Variants in GDI2 observed in about 807,000 individuals in gnomAD.
GDI2 encodes rab GDP dissociation inhibitor beta.
Under a neutral mutation model 54.2 loss-of-function variants are expected in GDI2, and 22 were observed. That is an observed-to-expected ratio of 0.41 (90% CI 0.29 to 0.58). The LOEUF (loss-of-function observed/expected upper bound fraction) is 0.58, where lower values mean the gene tolerates loss of function less well. GDI2 is among the 20% of genes least tolerant of loss of function. GDI2 has a pLI of 0.35. For synonymous variants in GDI2, 177 were observed against 182.1 expected (o/e 0.97, Z 0.23); for missense variants, 422 against 546.0 (o/e 0.77, Z 2.26).
chr10:5,768,337 A>G lies in GDI2; in HGVS notation c.867T>C (p.Asp289=). Residue 289 remains aspartate, a synonymous_variant, in exon 8 of 11, where the codon GAT becomes GAC. Coordinates refer to ENST00000380191, the MANE Select transcript of GDI2 (RefSeq NM_001494.4). The surrounding 1 kb of genome is among the most constrained non-coding windows in gnomAD (Gnocchi z 4.4). ...QLICDPSYVK[D]RVEKVGQVIR... is the part of the protein sequence containing the mutation. ...TCACCTGGCCCACTTTTTCTACCCG[A>G]TCTTTTACGTAGCTGGGGTCACAGA... The G allele has an allele frequency of 6.2e-7, 1 of 1,613,662 alleles. No individual in the cohort carries two copies. The highest frequency in any genetic ancestry group is 8.5e-7 in the Non-Finnish European group (1 of 1,179,576).
At chr10:5,799,043 T>A (rs1564397679) in intron 2 of GDI2, among the ~76,000 whole-genome samples, 1 of 151,794 alleles carries the variant, frequency 6.6e-6, no homozygotes, top group Non-Finnish European at 1.5e-5. Flanking sequence ...ATTTGTAGAT[T>A]AAGAAAATAA....
chr10:5,800,446 T>C, intron 2 of GDI2, 152 bp downstream of exon 2: 1 of 611,782 alleles, frequency 1.6e-6, no homozygotes, highest in Non-Finnish European at 2.9e-6. Context: ...TAAATTTCTA[T>C]GAGCTTCAAA....
chr10:5,767,591 T>G lies in GDI2; in HGVS notation c.991+622A>C, dbSNP rs1201903326. Among the ~76,000 whole-genome samples, 2 of 152,066 alleles carry G rather than the reference T, an allele frequency of 1.3e-5. 1 individual carries two copies. The highest frequency in any genetic ancestry group is 4.8e-5 in the African/African-American group (2 of 41,404). On this transcript the variant is annotated intron_variant, in intron 8 of 10. Transcript: ENST00000380191. ...CCTCCTGCCTTGGCCTCCCATGATTTCATTTCTTATATGGGGGAAAAAAAA... is the reference window on the plus strand; with the variant it reads ...CCTCCTGCCTTGGCCTCCCATGATTGCATTTCTTATATGGGGGAAAAAAAA...
chr10:5,810,252 T>C (rs545602544), intron 1 of GDI2, among the ~76,000 whole-genome samples: 8 of 152,330 alleles, frequency 5.3e-5, no homozygotes, highest in African/African-American at 1.2e-4. Flanking sequence ...AAAGTATATA[T>C]TTCTATTCAT....
At chr10:5,811,821 T>C (rs939213092) in intron 1 of GDI2, 39 of 469,366 alleles carry the variant, frequency 8.3e-5, no homozygotes, top group Non-Finnish European at 1.4e-4. Context: ...TGCATATAAC[T>C]ATAAACAGAA....
intron 3 of GDI2, 80 bp from the exon 4 acceptor site, chr10:5,795,099 A>G (rs1168175842): frequency 2.3e-6 from 2 of 875,454 alleles, no homozygotes. Context: ...CAGCTTCTAA[A>G]ATTTTTTCTA....
intron 6 of GDI2, among the ~76,000 whole-genome samples, chr10:5,784,092 G>A (rs915834637): frequency 3.3e-5 from 5 of 152,242 alleles, no homozygotes; most frequent in Middle Eastern, 3.4e-3. Flanking sequence ...AGGCTTGGTT[G>A]TTTAACAAAC....
At chr10:5,798,108 C>T (rs149399106) in intron 2 of GDI2, among the ~76,000 whole-genome samples, 145 of 152,268 alleles carry the variant, frequency 9.5e-4, no homozygotes, top group Non-Finnish European at 1.8e-3. Flanking sequence ...CCATCACCTC[C>T]AAAATTGTCC....
chr10:5,811,974 A>T, intron 1 of GDI2: 1 of 948,708 alleles, frequency 1.1e-6, no homozygotes, highest in Non-Finnish European at 1.4e-6. Context: ...AAAAAAAAAA[A>T]AAATTGGTTT....
rs1840555952 is a variant in GDI2, at chr10:5,773,907, T to G, written c.754A>C (p.Asn252His). 1 of 1,554,488 alleles carries G rather than the reference T, an allele frequency of 6.4e-7. No homozygotes were observed. The highest frequency in any genetic ancestry group is 1.4e-5 in the African/African-American group (1 of 73,634). ...SAIYGGTYML[N>H]KPIEEIIVQN... Reference sequence around the variant, plus strand: ...ACAATGATTTCTTCAATGGGTTTATTCAGCATATAGGTACCTCCATAAATA... The same window carrying G: ...ACAATGATTTCTTCAATGGGTTTATGCAGCATATAGGTACCTCCATAAATA... The change falls in exon 7 of 11, where the codon AAT (asparagine) becomes CAT (histidine). Residue 252 changes from asparagine (N) to histidine (H), a missense_variant. Asn to His is a moderately conservative substitution (Grantham distance 68, BLOSUM62 1). Coordinates refer to ENST00000380191, the MANE Select transcript of GDI2 (RefSeq NM_001494.4).
chr10:5,810,840 T>C (rs1484857148), intron 1 of GDI2, among the ~76,000 whole-genome samples: 5 of 142,152 alleles, frequency 3.5e-5, no homozygotes, highest in African/African-American at 1.2e-4. Flanking sequence ...TGTATCTTCT[T>C]GATTAAGATA....
At chr10:5,806,917 G>C (rs932106304) in intron 1 of GDI2, among the ~76,000 whole-genome samples, 3 of 152,086 alleles carry the variant, frequency 2.0e-5, no homozygotes, top group Non-Finnish European at 2.9e-5. Context: ...TTCACACTAA[G>C]CATGACCCAC....
intron 6 of GDI2, among the ~76,000 whole-genome samples, chr10:5,782,865 G>GGAGGTTGCAGTGAGCT (rs1453754399): frequency 6.6e-6 from 1 of 152,172 alleles, no homozygotes; most frequent in Non-Finnish European, 1.5e-5. Flanking sequence ...CCCAGGGGGT[G>GGAGGTTGCAGTGAGCT]GAGGTTGCAG....
chr10:5,793,575 G>A (rs1156457264), intron 4 of GDI2, among the ~76,000 whole-genome samples: 1 of 152,036 alleles, frequency 6.6e-6, no homozygotes, highest in Non-Finnish European at 1.5e-5. Flanking sequence ...AGAGGAAACT[G>A]CCAAAATAAT....
In GDI2 at chr10:5,813,422, GAA is replaced by G. The variant is rs1841519311; in HGVS notation, c.-166_-165del. 6.0e-6 allele frequency: 2 copies of G among 331,244 alleles called. No homozygotes were observed. The highest frequency in any genetic ancestry group is 4.6e-5 in the African/African-American group (2 of 43,448). 20.5% of individuals were successfully genotyped at this position (331,244 alleles called of 1,614,324 possible). On this transcript the variant is annotated 5_prime_UTR_variant, in exon 1 of 11. Transcript: ENST00000380191. ...CGAGACCGACCGCCACCTCAGACGG[GAA>G]GAGAAGAACTGGGCGGGGAGAGGAG...
intron 4 of GDI2, among the ~76,000 whole-genome samples, chr10:5,794,172 GAAAAA>G (rs1256206663): frequency 1.5e-3 from 43 of 27,956 alleles, no homozygotes; most frequent in Admixed American, 3.8e-3. Context: ...GTCTTTAAAA[GAAAAA>G]AAAAAAAAAA....
At position 5,766,635 on chromosome 10, in the gene GDI2, A is replaced by G; in HGVS notation, c.995T>C (p.Ile332Thr). 2 of 1,613,360 alleles carry G rather than the reference A, an allele frequency of 1.2e-6. No homozygotes were observed. Among genetic ancestry groups the G allele is most frequent in the Non-Finnish European group, 1.7e-6 (2 of 1,179,310 alleles). Residue 332 changes from isoleucine to threonine, a missense_variant, in exon 9 of 11, where the codon ATC becomes ACC. By Grantham distance (89) the Ile-to-Thr change is moderately conservative (BLOSUM62 -1). Transcript: ENST00000380191. The surrounding 1 kb of genome is among the most constrained non-coding windows in gnomAD (Gnocchi z 5.8). ...CGCAAAGGAGATCATGCAGACGTAGATATCTAGAAACAAATGATACCAGCT... is the reference window on the plus strand; with the variant it reads ...CGCAAAGGAGATCATGCAGACGTAGGTATCTAGAAACAAATGATACCAGCT... The part of the protein sequence containing the change: ...PQNQVNRKSD[I>T]YVCMISFAHN...
At chr10:5,781,432 C>T (rs938008920) in intron 6 of GDI2, among the ~76,000 whole-genome samples, 11 of 150,176 alleles carry the variant, frequency 7.3e-5, no homozygotes, top group South Asian at 6.3e-4. Context: ...TCGACACCAT[C>T]CCGGCTAACA....
chr10:5,795,653 G>C (rs189035034), intron 3 of GDI2, among the ~76,000 whole-genome samples: 1 of 152,204 alleles, frequency 6.6e-6, no homozygotes, highest in Admixed American at 6.5e-5. Flanking sequence ...TATTGGCCAG[G>C]CACAGGTGGC....
Sources: allele counts gnomAD v4.1 joint callset (sites outside exome capture counted in the v4.1 genomes callset), GRCh38; gene constraint gnomAD v4.1.1; non-coding constraint Gnocchi (gnomAD v3.1); transcripts MANE v1.5; gene names NCBI Gene and HGNC (gene_info 2026-07-23, HGNC 2026-07-21).